Variants in KIF18A observed in about 807,000 individuals in gnomAD.
The protein encoded by KIF18A is kinesin-like protein KIF18A.
A neutral mutation model predicts 103.3 loss-of-function variants in KIF18A; 67 were observed. The ratio of observed to expected loss-of-function variants is 0.65; its 90% CI spans 0.53 to 0.79. The LOEUF (loss-of-function observed/expected upper bound fraction) is 0.79. Among genes scored for constraint, KIF18A ranks in the 30% least tolerant of loss-of-function variants. The pLI is 0.00. For missense variants in KIF18A, 1,032 were observed against 1,062.5 expected, an observed-to-expected ratio of 0.97 and a Z score of 0.40; for synonymous variants, 367 against 355.5, an observed-to-expected ratio of 1.03 and a Z score of -0.36.
At chr11:28,059,761 T>C (rs1019471604) in intron 12 of KIF18A, among the ~76,000 whole-genome samples, 1 of 152,090 alleles carries the variant, frequency 6.6e-6, no homozygotes, top group African/African-American at 2.4e-5. Flanking sequence ...AAAAGCTTTT[T>C]GCAAAACATA....
chr11:28,090,091 A>G (rs1851282392), intron 5 of KIF18A, among the ~76,000 whole-genome samples: 1 of 152,194 alleles, frequency 6.6e-6, no homozygotes, highest in Admixed American at 6.5e-5. Flanking sequence ...GCTTTATATT[A>G]TCATTTGGGT....
intron 13 of KIF18A, among the ~76,000 whole-genome samples, chr11:28,041,589 C>A (rs532199742): frequency 7.9e-5 from 12 of 151,724 alleles, no homozygotes; most frequent in Non-Finnish European, 1.8e-4. Context: ...AAAGGGAGAT[C>A]TGTGGAGGGT....
At chr11:28,033,120 T>C (rs967697873) in intron 15 of KIF18A, among the ~76,000 whole-genome samples, 1 of 151,852 alleles carries the variant, frequency 6.6e-6, no homozygotes, top group African/African-American at 2.4e-5. Flanking sequence ...TCAACATCAC[T>C]GATTATCAGA....
chr11:28,091,386 G>T, intron 4 of KIF18A, 23 bp downstream of exon 4: 1 of 1,266,468 alleles, frequency 7.9e-7, no homozygotes, highest in Non-Finnish European at 1.1e-6. Flanking sequence ...TTCTAACAGG[G>T]AAAAAGATGT....
At chr11:28,046,757 T>C (rs1279474155) in intron 13 of KIF18A, among the ~76,000 whole-genome samples, 1 of 87,060 alleles carries the variant, frequency 1.1e-5, no homozygotes, top group Non-Finnish European at 2.5e-5. Flanking sequence ...AAAAAAGAAA[T>C]ATTGTAAATA....
chr11:28,083,048 C>T (rs2133552932), intron 8 of KIF18A, 80 bp from the exon 9 acceptor site: 1 of 1,449,702 alleles, frequency 6.9e-7, no homozygotes, highest in Non-Finnish European at 9.3e-7. Context: ...TAAAAAATAA[C>T]TGAATTAACC....
At chr11:28,030,853 C>G (rs1850390970) in intron 15 of KIF18A, among the ~76,000 whole-genome samples, 1 of 150,086 alleles carries the variant, frequency 6.7e-6, no homozygotes, top group Admixed American at 6.7e-5. Context: ...CAAACAACCC[C>G]ATCAAAAAGT....
In KIF18A at chr11:28,088,502, CAAAT is replaced by C; in HGVS notation, c.897+18_897+21del. ...TATTTCAATATTTCAAACTATTTAA[CAAAT>C]AAACATATAATGCCTACCTTTGAAT... is the stretch of plus-strand genomic sequence containing the variant. On this transcript the variant is annotated intron_variant, in intron 6 of 16. Coordinates refer to ENST00000263181, the MANE Select transcript of KIF18A (RefSeq NM_031217.4). 1 of 1,582,278 alleles carries C rather than the reference CAAAT, an allele frequency of 6.3e-7. No individual in the cohort carries two copies. Among genetic ancestry groups the C allele is most frequent in the South Asian group, 1.1e-5 (1 of 89,902 alleles).
chr11:28,099,740 T>C (rs928564086), intron 1 of KIF18A, among the ~76,000 whole-genome samples: 2 of 152,126 alleles, frequency 1.3e-5, no homozygotes, highest in Non-Finnish European at 2.9e-5. Flanking sequence ...TGCTACTTTA[T>C]GTTGGCCAGA....
At position 28,036,496 on chromosome 11, in the gene KIF18A, G is replaced by T. The variant is rs138741810; in HGVS notation, c.2117C>A (p.Thr706Lys). The change falls in exon 14 of 17, where the codon ACA becomes AAA. Residue 706 changes from threonine to lysine, a missense_variant. Thr to Lys is a moderately conservative substitution (Grantham distance 78). Coordinates refer to ENST00000263181, the MANE Select transcript of KIF18A (RefSeq NM_031217.4). ...AAAAGCTTTTCTACAGTCTTCTGGTGTATATACAATAGGCTGAAGTTCTTT... is the reference window on the plus strand; with the variant it reads ...AAAAGCTTTTCTACAGTCTTCTGGTTTATATACAATAGGCTGAAGTTCTTT... ...LSKELQPIVYTPEDCRKAFQN... is the reference protein window; with the variant it reads ...LSKELQPIVYKPEDCRKAFQN... The T allele has an allele frequency of 6.2e-7, 1 of 1,611,198 alleles. No individual in the cohort carries two copies. Among genetic ancestry groups the T allele is most frequent in the Non-Finnish European group, 8.5e-7 (1 of 1,178,258 alleles).
At chr11:28,065,272 T>G (rs1850903742) in intron 11 of KIF18A, among the ~76,000 whole-genome samples, 1 of 152,100 alleles carries the variant, frequency 6.6e-6, no homozygotes, top group Non-Finnish European at 1.5e-5. Context: ...CTCAATTTGC[T>G]TATGTAAAAA....
At position 28,078,510 on chromosome 11, in the gene KIF18A, T is replaced by C. The variant is rs144577789; in HGVS notation, c.1263-1341A>G. 6.2e-4 allele frequency among the ~76,000 whole-genome samples: 95 copies of C among 152,246 alleles called. 1 individual carries two copies. The highest frequency in any genetic ancestry group is 2.2e-3 in the African/African-American group (91 of 41,578). ...TAGGATGAAAGGAAGGGAATTGGTATCAAAGGTTTCTAGAGAGCTCCTTAA... is the reference window on the plus strand; with the variant it reads ...TAGGATGAAAGGAAGGGAATTGGTACCAAAGGTTTCTAGAGAGCTCCTTAA... On this transcript the variant is annotated intron_variant, in intron 9 of 16. Transcript: ENST00000263181.
chr11:28,079,170 C>T (rs1384168229), intron 9 of KIF18A, among the ~76,000 whole-genome samples: 1 of 152,006 alleles, frequency 6.6e-6, no homozygotes, highest in African/African-American at 2.4e-5. Flanking sequence ...AAGCCATCAA[C>T]TCCAGAAAAG....
chr11:28,064,908 G>A lies in KIF18A; in HGVS notation c.1591-2392C>T, dbSNP rs766287078. Among the ~76,000 whole-genome samples the A allele has an allele frequency of 2.6e-5, 4 of 152,238 alleles. No individual in the cohort carries two copies. The South Asian group carries it at 6.2e-4, about 24-fold the overall frequency. On this transcript the variant is annotated intron_variant, in intron 11 of 16. Transcript: ENST00000263181. ...GAGAAGTATTCAGGTGCCAGACCATGCTAGGCTTGGTAAATCACAATGGAG... is the reference window on the plus strand; with the variant it reads ...GAGAAGTATTCAGGTGCCAGACCATACTAGGCTTGGTAAATCACAATGGAG...
chr11:28,098,482 G>C (rs1201635774), intron 1 of KIF18A, among the ~76,000 whole-genome samples: 2 of 152,228 alleles, frequency 1.3e-5, no homozygotes, highest in East Asian at 3.9e-4. Flanking sequence ...AGTGATCTTG[G>C]CTGCAAGCCC....
Position 28,036,499 on chromosome 11 carries a change from T to C in KIF18A, c.2114A>G (p.Tyr705Cys). The C allele has an allele frequency of 6.2e-7, 1 of 1,611,382 alleles. No individual in the cohort carries two copies. The highest frequency in any genetic ancestry group is 8.5e-7 in the Non-Finnish European group (1 of 1,178,288). The change falls in exon 14 of 17, where the codon TAT (tyrosine) becomes TGT (cysteine). Residue 705 changes from tyrosine to cysteine, a missense_variant. Coordinates refer to ENST00000263181, the MANE Select transcript of KIF18A (RefSeq NM_031217.4). ...AGCTTTTCTACAGTCTTCTGGTGTA[T>C]ATACAATAGGCTGAAGTTCTTTGCT... is the stretch of plus-strand genomic sequence containing the variant. The part of the protein sequence containing the change: ...SLSKELQPIV[Y>C]TPEDCRKAFQ...
intron 13 of KIF18A, among the ~76,000 whole-genome samples, chr11:28,048,337 G>A (rs905108525): frequency 2.0e-5 from 3 of 152,172 alleles, no homozygotes; most frequent in Middle Eastern, 3.4e-3. Context: ...ATGGGGTGTC[G>A]CTTGTAATAA....
chr11:28,041,530 T>C (rs1850560684), intron 13 of KIF18A, among the ~76,000 whole-genome samples: 1 of 151,818 alleles, frequency 6.6e-6, no homozygotes, highest in African/African-American at 2.4e-5. Flanking sequence ...AGGGGCAACT[T>C]ATGTTAGGAT....
At chr11:28,077,303 G>T in intron 9 of KIF18A, 134 bp from the exon 10 acceptor site, 1 of 541,024 alleles carries the variant, frequency 1.8e-6, no homozygotes, top group Non-Finnish European at 3.1e-6. Context: ...ACAGCAAATA[G>T]GTAAAAATGA....
Sources: gnomAD v4.1 joint callset for allele counts (sites outside exome capture counted in the v4.1 genomes callset) on GRCh38, gnomAD v4.1.1 for gene constraint, MANE v1.5 for transcripts, NCBI Gene and HGNC (gene_info 2026-07-23, HGNC 2026-07-21) for gene names.